The following ELAPOR1 variants were observed in gnomAD, a reference collection of about 807,000 sequenced individuals.
ELAPOR1 encodes the protein endosome-lysosome associated apoptosis and autophagy regulator 1.
A neutral mutation model predicts 119.7 loss-of-function variants in ELAPOR1; 77 were observed. The observed-to-expected ratio is 0.64, with a 90% CI of 0.54 to 0.78. The LOEUF (loss-of-function observed/expected upper bound fraction) is 0.78. Ranked by LOEUF, ELAPOR1 falls within the 30% of genes least tolerant of loss-of-function variation. The pLI, the probability that ELAPOR1 is intolerant of heterozygous loss-of-function variation, is 0.00. For synonymous variants in ELAPOR1, 481 were observed against 487.2 expected (o/e 0.99, Z 0.17); for missense variants, 1,115 against 1,270.4 (o/e 0.88, Z 1.86).
At chr1:109,138,158 C>G (rs1026181361) in intron 1 of ELAPOR1, among the ~76,000 whole-genome samples, 2 of 123,834 alleles carry the variant, frequency 1.6e-5, no homozygotes, top group African/African-American at 5.5e-5. Flanking sequence ...AAGAGCCTGG[C>G]TTCTGTTTGC....
intron 7 of ELAPOR1, among the ~76,000 whole-genome samples, chr1:109,176,185 G>T (rs959361945): frequency 3.3e-5 from 5 of 152,160 alleles, no homozygotes; most frequent in African/African-American, 1.2e-4. Context: ...ATAGGACGTG[G>T]TTATTTGAGG....
At chr1:109,133,919 T>A (rs1649301544) in intron 1 of ELAPOR1, among the ~76,000 whole-genome samples, 1 of 152,196 alleles carries the variant, frequency 6.6e-6, no homozygotes, top group Non-Finnish European at 1.5e-5. Flanking sequence ...CCACCAAATT[T>A]CACTTTTGGA....
chr1:109,131,759 A>G (rs1649160779), intron 1 of ELAPOR1, among the ~76,000 whole-genome samples: 1 of 152,202 alleles, frequency 6.6e-6, no homozygotes, highest in African/African-American at 2.4e-5. Flanking sequence ...CAGGGGCCGG[A>G]GGCATCTGAG....
At chr1:109,160,308 A>G (rs1651164689) in intron 1 of ELAPOR1, among the ~76,000 whole-genome samples, 1 of 151,274 alleles carries the variant, frequency 6.6e-6, no homozygotes, top group Non-Finnish European at 1.5e-5. Flanking sequence ...GACTGTCTAA[A>G]AAAAAAAAAA....
intron 18 of ELAPOR1, among the ~76,000 whole-genome samples, chr1:109,199,470 C>G (rs1442456567): frequency 2.6e-5 from 4 of 152,178 alleles, no homozygotes; most frequent in Non-Finnish European, 5.9e-5. Context: ...TGAACCCCAC[C>G]TCAACTCCAA....
intron 7 of ELAPOR1, among the ~76,000 whole-genome samples, chr1:109,178,842 G>A (rs1279612740): frequency 2.6e-5 from 4 of 152,128 alleles, no homozygotes; most frequent in African/African-American, 9.7e-5. Flanking sequence ...GCGCACGCCT[G>A]TAATCCCAGC....
intron 1 of ELAPOR1, among the ~76,000 whole-genome samples, chr1:109,139,668 G>A (rs913911844): frequency 3.3e-5 from 5 of 152,126 alleles, no homozygotes; most frequent in Non-Finnish European, 5.9e-5. Context: ...AAGCTAGGGA[G>A]CATTCAATAA....
In ELAPOR1 at chr1:109,164,619, A is replaced by G; in HGVS notation, c.395A>G (p.His132Arg). The change falls in exon 3 of 22, where the codon CAT becomes CGT. Residue 132 changes from histidine (H) to arginine (R), a missense_variant. By Grantham distance (29) the His-to-Arg change is conservative. Transcript: ENST00000369939. Reference sequence around the variant, plus strand: ...TTTGATGAGTGGGATGAGCTGCCCCATGGCTTTGCCAGCCTCTCAGCCAAC... The same window carrying G: ...TTTGATGAGTGGGATGAGCTGCCCCGTGGCTTTGCCAGCCTCTCAGCCAAC... ...IRFDEWDELPHGFASLSANME... is the reference protein window; with the variant it reads ...IRFDEWDELPRGFASLSANME... 1.2e-6 allele frequency: 2 copies of G among 1,614,220 alleles called. No individual in the cohort carries two copies. Among genetic ancestry groups the G allele is most frequent in the Non-Finnish European group, 1.7e-6 (2 of 1,180,028 alleles).
chr1:109,149,554 C>T (rs1009601327), intron 1 of ELAPOR1, among the ~76,000 whole-genome samples: 3 of 152,130 alleles, frequency 2.0e-5, no homozygotes, highest in South Asian at 2.1e-4. Flanking sequence ...GCACAGCTCC[C>T]GAGCTGTTCT....
At chr1:109,187,582 AC>A (rs745852106) in intron 8 of ELAPOR1, 28 of 1,001,532 alleles carry the variant, frequency 2.8e-5, no homozygotes, top group Non-Finnish European at 3.4e-5. Context: ...GCCCACCTTC[AC>A]CCCTGACTCA....
chr1:109,161,131 G>A (rs1041674812), intron 1 of ELAPOR1, among the ~76,000 whole-genome samples: 1 of 152,004 alleles, frequency 6.6e-6, no homozygotes, highest in Non-Finnish European at 1.5e-5. Context: ...GGGAAATAGG[G>A]CCAGGCGTGG....
In ELAPOR1 at chr1:109,197,612, G is replaced by A. The variant is rs368749313; in HGVS notation, c.2260G>A (p.Gly754Arg). 4.8e-5 allele frequency: 77 copies of A among 1,614,170 alleles called. No individual in the cohort carries two copies. Among genetic ancestry groups the A allele is most frequent in the Admixed American group, 3.3e-4 (20 of 60,018 alleles). Reference protein sequence around the residue: ...IPPEVTGYKAGVSSQPVSLAD... With the variant: ...IPPEVTGYKARVSSQPVSLAD... ...CCCAGAGGTGACAGGCTACAAGGCC[G>A]GGGTTTCCTCACAGCCTGTCAGCCT... is the stretch of plus-strand genomic sequence containing the variant. Residue 754 changes from glycine to arginine, a missense_variant, in exon 16 of 22, where the codon GGG becomes AGG. Coordinates refer to ENST00000369939, the MANE Select transcript of ELAPOR1 (RefSeq NM_020775.5).
At chr1:109,173,392 G>C (rs1038698618) in intron 5 of ELAPOR1, 82 bp from the exon 6 acceptor site, 1 of 1,132,126 alleles carries the variant, frequency 8.8e-7, no homozygotes, top group Admixed American at 1.8e-5. Context: ...AGTAAGAGAA[G>C]TCATCCCAAC....
chr1:109,195,493 CAA>C (rs55780811), intron 15 of ELAPOR1, among the ~76,000 whole-genome samples: 102,201 of 141,160 alleles, frequency 0.72, 37,213 homozygotes, highest in East Asian at 0.97. Flanking sequence ...GACTCCGTCT[CAA>C]AAAAAAAAAA....
At chr1:109,172,828 C>T (rs865818868) in intron 5 of ELAPOR1, among the ~76,000 whole-genome samples, 14 of 152,170 alleles carry the variant, frequency 9.2e-5, no homozygotes, top group African/African-American at 3.1e-4. Context: ...GGCATGGTGG[C>T]TCATGCCTGT....
chr1:109,192,966 G>A, intron 14 of ELAPOR1, 92 bp downstream of exon 14: 1 of 1,408,186 alleles, frequency 7.1e-7, no homozygotes, highest in South Asian at 1.4e-5. Flanking sequence ...TTGAGAGGCT[G>A]ATACCCGAGT....
rs1654445160 is a variant in ELAPOR1, at chr1:109,205,719, T to G, written c.*2707T>G. On this transcript the variant is annotated 3_prime_UTR_variant, in exon 22 of 22. Coordinates refer to ENST00000369939, the MANE Select transcript of ELAPOR1 (RefSeq NM_020775.5). ...AGGAAAAATTACATATGTCTTTGAC[T>G]TCTTTATTCTGACTCCACTGATTTT... 6.6e-6 allele frequency: 1 copy of G among 152,178 alleles called. No homozygotes were observed. Among genetic ancestry groups the G allele is most frequent in the Non-Finnish European group, 1.5e-5 (1 of 68,036 alleles). The allele number at this position is 152,178 out of a possible 1,614,324, so 9.4% of individuals were successfully genotyped here.
intron 3 of ELAPOR1, among the ~76,000 whole-genome samples, chr1:109,170,932 G>A (rs976172850): frequency 7.2e-5 from 11 of 152,116 alleles, no homozygotes; most frequent in Non-Finnish European, 1.5e-4. Flanking sequence ...AGGGTTCTCC[G>A]GCCCTCCTTG....
rs202159531 is a variant in ELAPOR1, at chr1:109,164,658, A to T, written c.434A>T (p.Asp145Val). 26 of 1,614,082 alleles carry T rather than the reference A, an allele frequency of 1.6e-5. 1 individual carries two copies. Among genetic ancestry groups the T allele is most frequent in the Middle Eastern group, 1.6e-4 (1 of 6,084 alleles). The part of the protein sequence containing the change: ...ASLSANMELD[D>V]SAAESTGNCT... Reference sequence around the variant, plus strand: ...CTCTCAGCCAACATGGAGCTGGATGACAGTGCTGCTGAGTCCACCGGGAAC... The same window carrying T: ...CTCTCAGCCAACATGGAGCTGGATGTCAGTGCTGCTGAGTCCACCGGGAAC... Residue 145 changes from aspartate to valine, a missense_variant, in exon 3 of 22, where the codon GAC (aspartate) becomes GTC (valine). Asp to Val is a radical substitution (Grantham distance 152, BLOSUM62 -3). Coordinates refer to ENST00000369939, the MANE Select transcript of ELAPOR1 (RefSeq NM_020775.5).
Sources: allele counts gnomAD v4.1 joint callset (sites outside exome capture counted in the v4.1 genomes callset), GRCh38; gene constraint gnomAD v4.1.1; transcripts MANE v1.5; gene names NCBI Gene and HGNC (gene_info 2026-07-23, HGNC 2026-07-21).